GABRG3: variants seen among roughly 807,000 people sequenced by gnomAD.
GABRG3 encodes gamma-aminobutyric acid type A receptor subunit gamma3.
GABRG3 carries 25 observed loss-of-function variants against 48.8 expected under a neutral mutation model. That is an observed-to-expected ratio of 0.51 (90% confidence interval 0.37 to 0.72). The LOEUF is 0.72. Among genes scored for constraint, GABRG3 ranks in the 30% least tolerant of loss-of-function variants. The pLI is 0.00. For missense variants in GABRG3, 394 were observed against 577.9 expected (o/e 0.68, Z 3.26); for synonymous variants, 227 against 217.6 (o/e 1.04, Z -0.38).
Position 27,179,782 on chromosome 15 carries a change from C to A in GABRG3, c.271-147027C>A, listed in dbSNP as rs1211419202. Among the ~76,000 whole-genome samples the A allele has an allele frequency of 6.6e-6, 1 of 152,112 alleles. No individual in the cohort carries two copies. Among genetic ancestry groups the A allele is most frequent in the African/African-American group, 2.4e-5 (1 of 41,400 alleles). On this transcript the variant is annotated intron_variant, in intron 3 of 9. Coordinates refer to ENST00000615808, the MANE Select transcript of GABRG3 (RefSeq NM_033223.5). This position sits in a 1 kb window ranked among gnomAD's most constrained non-coding sequence, Gnocchi z 4.0. Reference sequence around the variant, plus strand: ...GGGAAAGATGGAAGCCAAAGATGCACCGGGTCTTTGGAAAAGAAAACTATA... The same window carrying A: ...GGGAAAGATGGAAGCCAAAGATGCAACGGGTCTTTGGAAAAGAAAACTATA...
chr15:27,255,484 T>A (rs1258038179), intron 3 of GABRG3, among the ~76,000 whole-genome samples: 1 of 152,222 alleles, frequency 6.6e-6, no homozygotes, highest in Non-Finnish European at 1.5e-5. Context: ...AAAACGGAAC[T>A]AAATAGGTGT....
intron 3 of GABRG3, among the ~76,000 whole-genome samples, chr15:27,255,607 A>C (rs941051534): frequency 6.6e-6 from 1 of 151,880 alleles, no homozygotes; most frequent in Admixed American, 6.5e-5. Context: ...TTTTTTGGAA[A>C]TGTATTGATG....
chr15:27,506,949 A>G (rs927293780), intron 6 of GABRG3, among the ~76,000 whole-genome samples: 7 of 152,162 alleles, frequency 4.6e-5, no homozygotes, highest in Admixed American at 4.6e-4. Flanking sequence ...CAATATTGCA[A>G]TATAAGCATT....
chr15:27,440,753 G>T (rs1888759600), intron 5 of GABRG3, among the ~76,000 whole-genome samples: 1 of 152,180 alleles, frequency 6.6e-6, no homozygotes, highest in Admixed American at 6.5e-5. Flanking sequence ...CCAAGGCAAG[G>T]ATGGAATTAG....
intron 6 of GABRG3, among the ~76,000 whole-genome samples, chr15:27,509,896 G>A (rs746946293): frequency 9.2e-5 from 14 of 152,068 alleles, no homozygotes; most frequent in Non-Finnish European, 1.5e-4. Context: ...TTTGGTTTTT[G>A]TATGTCCCAT....
chr15:27,397,560 G>T, intron 5 of GABRG3, among the ~76,000 whole-genome samples: 1 of 152,040 alleles, frequency 6.6e-6, no homozygotes. Context: ...CTGCCAGATT[G>T]AGGGCGTATT....
chr15:27,394,957 G>A (rs528569747), intron 5 of GABRG3, among the ~76,000 whole-genome samples: 1 of 152,030 alleles, frequency 6.6e-6, no homozygotes, highest in Admixed American at 6.6e-5. Flanking sequence ...TATTTTATTT[G>A]GAATTTGTCA....
chr15:26,972,642 A>G (rs957615350), intron 1 of GABRG3, among the ~76,000 whole-genome samples: 3 of 152,170 alleles, frequency 2.0e-5, no homozygotes, highest in Non-Finnish European at 4.4e-5. Context: ...TGCGTGCACA[A>G]GCCTGGCCAC....
chr15:27,357,836 T>C (rs1170534889), intron 5 of GABRG3, among the ~76,000 whole-genome samples: 2 of 152,234 alleles, frequency 1.3e-5, no homozygotes, highest in Non-Finnish European at 2.9e-5. Context: ...AGCAGTTTCT[T>C]GGAGTTTAAT....
rs1484107966 is a variant in GABRG3, at chr15:27,527,626, A to G, written c.1059A>G (p.Thr353=). Residue 353 remains threonine (T), a synonymous_variant, in exon 8 of 10, where the codon ACA becomes ACG. Coordinates refer to ENST00000615808, the MANE Select transcript of GABRG3 (RefSeq NM_033223.5). ...AACCAACCACCACGAAGAAGACAAC[A>G]TCGGTGAGCTGCAGTAGCAAAGGTT... ...CRKPTTTKKT[T]SLLHPDSSRW... The G allele has an allele frequency of 6.2e-7, 1 of 1,604,712 alleles. No individual in the cohort carries two copies. The highest frequency in any genetic ancestry group is 8.5e-7 in the Non-Finnish European group (1 of 1,175,250).
chr15:27,344,717 T>TC (rs1894307138), intron 5 of GABRG3, among the ~76,000 whole-genome samples: 1 of 151,716 alleles, frequency 6.6e-6, no homozygotes, highest in East Asian at 1.9e-4. Flanking sequence ...ATAAACCATT[T>TC]TTTTAATTTA....
chr15:27,346,799 C>G (rs937724044), intron 5 of GABRG3, among the ~76,000 whole-genome samples: 1 of 152,094 alleles, frequency 6.6e-6, no homozygotes. Context: ...CTTCTTGTTT[C>G]CAGCTCTCTG....
intron 3 of GABRG3, among the ~76,000 whole-genome samples, chr15:27,040,547 T>C (rs1237930971): frequency 6.6e-6 from 1 of 152,202 alleles, no homozygotes; most frequent in East Asian, 1.9e-4. Flanking sequence ...AGAAAGTCTT[T>C]TAAAATTTCC....
At chr15:27,024,445 T>C (rs943393624) in intron 2 of GABRG3, among the ~76,000 whole-genome samples, 2 of 152,218 alleles carry the variant, frequency 1.3e-5, no homozygotes, top group Non-Finnish European at 2.9e-5. Flanking sequence ...GGCCTTACAG[T>C]TAGGTCTCAA....
chr15:27,398,061 C>T (rs563593981), intron 5 of GABRG3, among the ~76,000 whole-genome samples: 78 of 152,260 alleles, frequency 5.1e-4, no homozygotes, highest in Middle Eastern at 6.8e-3. Context: ...GCCTCGGCCT[C>T]CCCAAGTGCT....
intron 2 of GABRG3, among the ~76,000 whole-genome samples, chr15:26,988,698 T>C (rs992786328): frequency 9.9e-5 from 15 of 152,092 alleles, no homozygotes; most frequent in Non-Finnish European, 1.3e-4. Context: ...TTTTTCTTTC[T>C]TTTTTTGCTC....
chr15:27,214,049 C>T (rs17137668), intron 3 of GABRG3, among the ~76,000 whole-genome samples: 9,143 of 152,206 alleles, frequency 0.06, 656 homozygotes, highest in African/African-American at 0.18. Flanking sequence ...TTTGGCTTCG[C>T]TAAGATGTGT....
intron 5 of GABRG3, among the ~76,000 whole-genome samples, chr15:27,416,364 T>C (rs188479521): frequency 3.9e-5 from 6 of 152,048 alleles, no homozygotes; most frequent in Middle Eastern, 3.4e-3. Flanking sequence ...TGGGCTGGAG[T>C]TGAGTATTTC....
chr15:27,431,222 T>G (rs1888443249), intron 5 of GABRG3, among the ~76,000 whole-genome samples: 1 of 152,054 alleles, frequency 6.6e-6, no homozygotes, highest in South Asian at 2.1e-4. Flanking sequence ...ATCTGGGTCC[T>G]TTGAATTTCC....
Sources: allele counts gnomAD v4.1 joint callset (sites outside exome capture counted in the v4.1 genomes callset), GRCh38; gene constraint gnomAD v4.1.1; non-coding constraint Gnocchi (gnomAD v3.1); transcripts MANE v1.5; gene names NCBI Gene and HGNC (gene_info 2026-07-23, HGNC 2026-07-21).